Variants in RANBP2 observed in about 807,000 individuals in gnomAD.
RANBP2 encodes E3 SUMO-protein ligase RanBP2.
In RANBP2, 57 loss-of-function variants were observed where a neutral mutation model predicts 303.6. That is an observed-to-expected ratio of 0.19 (90% CI 0.15 to 0.23). RANBP2 has a LOEUF of 0.23. Ranked by LOEUF, RANBP2 falls within the 10% of genes least tolerant of loss-of-function variation. The pLI is 1.00. For synonymous variants in RANBP2, 1,167 were observed against 1,301.5 expected (o/e 0.90, Z 2.23); for missense variants, 3,138 against 3,780.8 (o/e 0.83, Z 4.46).
intron 6 of RANBP2, among the ~76,000 whole-genome samples, chr2:108,737,172 C>T (rs990582867): frequency 1.3e-5 from 2 of 152,066 alleles, no homozygotes; most frequent in African/African-American, 4.8e-5. Flanking sequence ...AGAGCAGTAT[C>T]TAAAAGAACT....
the RANBP2 span, chr2:108,856,972 T>TTA: frequency 6.4e-7 from 1 of 1,563,528 alleles, no homozygotes; most frequent in African/African-American, 1.4e-5. Context: ...TGGAATCTAG[T>TTA]AAGTTTTTAA....
At chr2:109,437,132 G>A in the RANBP2 span, 6 of 1,611,380 alleles carry the variant, frequency 3.7e-6, no homozygotes, top group South Asian at 5.5e-5. Flanking sequence ...CAAGCCCGGA[G>A]CACCATTTCA....
At chr2:108,876,301 T>A in the RANBP2 span, 1 of 1,064,554 alleles carries the variant, frequency 9.4e-7, no homozygotes, top group Non-Finnish European at 1.3e-6. Context: ...TTTATAAACA[T>A]GTAGAAATTA....
the RANBP2 span, among the ~76,000 whole-genome samples, chr2:109,027,713 G>C: frequency 2.1e-5 from 3 of 141,534 alleles, no homozygotes; most frequent in African/African-American, 7.6e-5. Context: ...CCTAGGCCAG[G>C]AGCAAGACCT....
chr2:109,499,217 A>G, the RANBP2 span, among the ~76,000 whole-genome samples: 4 of 152,128 alleles, frequency 2.6e-5, no homozygotes, highest in African/African-American at 9.7e-5. Flanking sequence ...CGTGTCTCCT[A>G]GACAGCCTCG....
chr2:109,344,474 G>T, the RANBP2 span, among the ~76,000 whole-genome samples: 1 of 152,226 alleles, frequency 6.6e-6, no homozygotes. Flanking sequence ...GCTGAGGCCA[G>T]CGTAGGGGAC....
At position 108,753,977 on chromosome 2, in the gene RANBP2, TAGC is replaced by T. The variant is rs1676109282; in HGVS notation, c.2202+9_2202+11del. ...ATCTTTCAGTGGTCAAGAAAGTAAG[TAGC>T]AGGTTGTTGTATGTACGTTCTTACT... On this transcript the variant is annotated splice_region_variant and intron_variant, in intron 15 of 28. Coordinates refer to ENST00000283195, the MANE Select transcript of RANBP2 (RefSeq NM_006267.5). The T allele has an allele frequency of 6.2e-7, 1 of 1,611,740 alleles. No homozygotes were observed. The highest frequency in any genetic ancestry group is 8.5e-7 in the Non-Finnish European group (1 of 1,179,780).
the RANBP2 span, among the ~76,000 whole-genome samples, chr2:109,282,608 C>T: frequency 6.6e-6 from 1 of 152,206 alleles, no homozygotes; most frequent in South Asian, 2.1e-4. Flanking sequence ...AGCCAATGCA[C>T]GCACTCCACC....
At chr2:109,484,760 AC>A in the RANBP2 span, among the ~76,000 whole-genome samples, 1 of 152,098 alleles carries the variant, frequency 6.6e-6, no homozygotes, top group African/African-American at 2.4e-5. Flanking sequence ...TCTCCCTCTG[AC>A]CCTGCCTGCC....
At chr2:108,845,949 A>G in the RANBP2 span, among the ~76,000 whole-genome samples, 1 of 151,928 alleles carries the variant, frequency 6.6e-6, no homozygotes, top group Non-Finnish European at 1.5e-5. Context: ...TACTATTTCT[A>G]TTTTGCCCAT....
the RANBP2 span, chr2:109,618,649 T>C: frequency 6.0e-6 from 1 of 166,958 alleles, no homozygotes. Context: ...AAATGATTGA[T>C]ATAATTTGAT....
At chr2:109,193,314 G>T in the RANBP2 span, among the ~76,000 whole-genome samples, 2 of 152,248 alleles carry the variant, frequency 1.3e-5, 1 homozygote, top group South Asian at 4.2e-4. Flanking sequence ...CACATACCGT[G>T]AATTCATCCA....
chr2:109,641,269 G>T, the RANBP2 span, among the ~76,000 whole-genome samples: 1 of 152,132 alleles, frequency 6.6e-6, no homozygotes, highest in African/African-American at 2.4e-5. Flanking sequence ...CTCCCAAGTA[G>T]CTGGGATTAC....
chr2:109,700,960 G>A, the RANBP2 span, among the ~76,000 whole-genome samples: 1 of 152,200 alleles, frequency 6.6e-6, no homozygotes, highest in African/African-American at 2.4e-5. Flanking sequence ...GTTTGTGAAT[G>A]ACACAAACTT....
At chr2:108,850,714 G>A in the RANBP2 span, among the ~76,000 whole-genome samples, 2 of 152,154 alleles carry the variant, frequency 1.3e-5, no homozygotes, top group Admixed American at 1.3e-4. Context: ...ACCTCCCAAA[G>A]TGCTGGGATT....
At chr2:108,878,324 C>A in the RANBP2 span, 1 of 190,370 alleles carries the variant, frequency 5.3e-6, no homozygotes, top group Non-Finnish European at 1.1e-5. Flanking sequence ...TCTCACAAGT[C>A]TTTCAGGGTC....
the RANBP2 span, among the ~76,000 whole-genome samples, chr2:108,959,793 A>G: frequency 6.6e-6 from 1 of 152,188 alleles, no homozygotes; most frequent in Non-Finnish European, 1.5e-5. Context: ...AATGAGAAAG[A>G]TATGTCTTCT....
At chr2:108,811,247 C>CTTTTTTTT in the RANBP2 span, among the ~76,000 whole-genome samples, 2 of 113,908 alleles carry the variant, frequency 1.8e-5, no homozygotes, top group African/African-American at 7.6e-5. Flanking sequence ...TTCTCTCTCT[C>CTTTTTTTT]TTTTTTTTTT....
chr2:108,765,848 C>A lies in RANBP2; in HGVS notation c.5309C>A (p.Ala1770Asp). The A allele has an allele frequency of 6.2e-7, 1 of 1,614,142 alleles. No individual in the cohort carries two copies. Among genetic ancestry groups the A allele is most frequent in the East Asian group, 2.2e-5 (1 of 44,882 alleles). Residue 1770 changes from alanine (A) to aspartate (D), a missense_variant, in exon 20 of 29, where the codon GCT becomes GAT. By Grantham distance (126) the Ala-to-Asp change is moderately radical. Around this residue, in one of 20 missense-constraint regions of RANBP2, gnomAD observed 348 missense variants for 360.4 expected, o/e 0.97. Coordinates refer to ENST00000283195, the MANE Select transcript of RANBP2 (RefSeq NM_006267.5). ...CCTGCCTCTTCGGAGATAAGCAAGG[C>A]TCCAAAGAGTGGATTTGAAGGAATG... ...STPASSEISK[A>D]PKSGFEGMFI... is the part of the protein sequence containing the mutation.
Sources: allele counts gnomAD v4.1 joint callset (sites outside exome capture counted in the v4.1 genomes callset), GRCh38; gene constraint gnomAD v4.1.1; regional missense constraint gnomAD v4.1.1; transcripts MANE v1.5; gene names NCBI Gene and HGNC (gene_info 2026-07-23, HGNC 2026-07-21).